Variants in EXPH5 observed in about 807,000 individuals in gnomAD.
EXPH5 encodes exophilin 5.
EXPH5 carries 42 observed loss-of-function variants against 41.1 expected under a neutral mutation model. The ratio of observed to expected loss-of-function variants is 1.02; its 90% CI spans 0.80 to 1.32. The LOEUF (loss-of-function observed/expected upper bound fraction) is 1.32, where lower values mean the gene tolerates loss of function less well. EXPH5 is among the 40% of genes most tolerant of loss of function. The probability of loss-of-function intolerance (pLI) is 0.00; values close to 1 mark genes in which losing one functional copy is unlikely to be tolerated. For missense variants in EXPH5, 2,298 were observed against 2,314.5 expected (o/e 0.99, Z 0.15); for synonymous variants, 798 against 833.5 (o/e 0.96, Z 0.73).
rs575122248 is a variant in EXPH5, at chr11:108,508,293, C to G, written c.*1244G>C. On this transcript the variant is annotated 3_prime_UTR_variant, in exon 6 of 6. Coordinates refer to ENST00000265843, the MANE Select transcript of EXPH5 (RefSeq NM_015065.3). ...GGCGGATTGCCTGAGCTCAGGAGTT[C>G]GAGACCAGCCTGGGCAACACGGTGA... 1 of 152,322 alleles carries G rather than the reference C, an allele frequency of 6.6e-6. No homozygotes were observed. Among genetic ancestry groups the G allele is most frequent in the African/African-American group, 2.4e-5 (1 of 41,350 alleles). The allele number at this position is 152,322 out of a possible 1,614,324, so 9.4% of individuals were successfully genotyped here.
chr11:108,603,404 A>T, the EXPH5 span, among the ~76,000 whole-genome samples: 3 of 152,216 alleles, frequency 2.0e-5, no homozygotes, highest in African/African-American at 7.2e-5. Flanking sequence ...ATCATATTTC[A>T]CACCAGTCAT....
chr11:108,572,189 C>G (rs1416147135), intron 1 of EXPH5, among the ~76,000 whole-genome samples: 1 of 152,206 alleles, frequency 6.6e-6, no homozygotes, highest in Non-Finnish European at 1.5e-5. Flanking sequence ...TATGCATAAC[C>G]TACACCAAGT....
Position 108,513,549 on chromosome 11 carries a change from A to C in EXPH5, c.1958T>G (p.Leu653Trp). The change falls in exon 6 of 6, where the codon TTG (leucine) becomes TGG (tryptophan). Residue 653 changes from leucine to tryptophan, a missense_variant. Coordinates refer to ENST00000265843, the MANE Select transcript of EXPH5 (RefSeq NM_015065.3). ...SPNLQNPTVT[L>W]QKIFPNKPAS... ...AGGCTTATTTGGAAAAATTTTCTGC[A>C]AAGTGACTGTGGGATTCTGCAAGTT... 6.2e-7 allele frequency: 1 copy of C among 1,614,226 alleles called. No individual in the cohort carries two copies. The highest frequency in any genetic ancestry group is 8.5e-7 in the Non-Finnish European group (1 of 1,180,032).
intron 1 of EXPH5, among the ~76,000 whole-genome samples, chr11:108,546,022 G>C (rs2093936726): frequency 6.6e-6 from 1 of 152,064 alleles, no homozygotes; most frequent in Non-Finnish European, 1.5e-5. Flanking sequence ...AAGGATGAAG[G>C]ATGAGGCCAA....
At chr11:108,572,582 G>C (rs1290682237) in intron 1 of EXPH5, among the ~76,000 whole-genome samples, 1 of 152,108 alleles carries the variant, frequency 6.6e-6, no homozygotes, top group African/African-American at 2.4e-5. Flanking sequence ...TTTTGAGACA[G>C]AGTTTTCCTC....
intron 1 of EXPH5, among the ~76,000 whole-genome samples, chr11:108,589,649 A>G (rs1164781520): frequency 6.6e-6 from 1 of 152,190 alleles, no homozygotes; most frequent in Non-Finnish European, 1.5e-5. Flanking sequence ...GACGTTTATG[A>G]GCTGTGTGAC....
At chr11:108,600,139 A>G in the EXPH5 span, among the ~76,000 whole-genome samples, 1 of 152,318 alleles carries the variant, frequency 6.6e-6, no homozygotes, top group South Asian at 2.1e-4. Context: ...AAATTCAAAT[A>G]TGGGAGACTG....
chr11:108,518,514 T>TAATTTCTC (rs1208626668), intron 4 of EXPH5, 141 bp from the exon 5 acceptor site: 1 of 756,314 alleles, frequency 1.3e-6, no homozygotes, highest in African/African-American at 1.8e-5. Flanking sequence ...TATTTCTCAA[T>TAATTTCTC]TTATAATGTG....
At chr11:108,569,528 C>T (rs1195365183) in intron 1 of EXPH5, among the ~76,000 whole-genome samples, 1 of 152,080 alleles carries the variant, frequency 6.6e-6, no homozygotes, top group South Asian at 2.1e-4. Flanking sequence ...TGAGTAGAGA[C>T]AGGGGTTTCA....
In EXPH5 at chr11:108,519,605, G is replaced by A. The variant is rs746794089; in HGVS notation, c.493-1232C>T. On this transcript the variant is annotated intron_variant, in intron 4 of 5. Transcript: ENST00000265843. ...TCTACTAAAAATACAAAAATTAGCT[G>A]GGTGTGGTGGCGAGTGCCTGTAATC... 2.6e-5 allele frequency among the ~76,000 whole-genome samples: 4 copies of A among 151,924 alleles called. No individual in the cohort carries two copies. The South Asian group carries it at 8.3e-4, about 32-fold the overall frequency.
chr11:108,557,700 C>T (rs931636596), intron 1 of EXPH5, among the ~76,000 whole-genome samples: 49 of 152,088 alleles, frequency 3.2e-4, no homozygotes, highest in African/African-American at 1.1e-3. Context: ...ATCCTCTTCA[C>T]TTATTTACTT....
At chr11:108,548,156 T>C (rs2093947437) in intron 1 of EXPH5, among the ~76,000 whole-genome samples, 1 of 151,090 alleles carries the variant, frequency 6.6e-6, no homozygotes, top group Admixed American at 6.6e-5. Flanking sequence ...CAGAGTTCTT[T>C]ACTGGAATAA....
intron 1 of EXPH5, among the ~76,000 whole-genome samples, chr11:108,570,327 T>C (rs1274347066): frequency 2.0e-5 from 3 of 152,208 alleles, no homozygotes; most frequent in Non-Finnish European, 2.9e-5. Flanking sequence ...CAATCTTGGC[T>C]CACTGCAACC....
intron 1 of EXPH5, among the ~76,000 whole-genome samples, chr11:108,578,090 G>A (rs115521460): frequency 8.4e-4 from 128 of 152,194 alleles, no homozygotes; most frequent in African/African-American, 2.8e-3. Flanking sequence ...TCCTTTTGAC[G>A]TCTTACTCAA....
chr11:108,576,579 C>CT (rs2094080381), intron 1 of EXPH5, among the ~76,000 whole-genome samples: 1 of 152,002 alleles, frequency 6.6e-6, no homozygotes, highest in Admixed American at 6.5e-5. Context: ...ATTTTTCATT[C>CT]TTTTTTGAAT....
At position 108,514,301 on chromosome 11, in the gene EXPH5, C is replaced by T. The variant is rs1039186976; in HGVS notation, c.1206G>A (p.Lys402=). The change falls in exon 6 of 6, where the codon AAG becomes AAA. Residue 402 remains lysine, a synonymous_variant. Coordinates refer to ENST00000265843, the MANE Select transcript of EXPH5 (RefSeq NM_015065.3). ...PSPMEIDPAD[K]YVYPRGFQEN... ...CCTGAAAACCCCTGGGATACACATA[C>T]TTGTCAGCGGGATCAATTTCCATTG... is the stretch of plus-strand genomic sequence containing the variant. The T allele has an allele frequency of 1.3e-5, 21 of 1,613,370 alleles. No individual in the cohort carries two copies. Among genetic ancestry groups the T allele is most frequent in the Non-Finnish European group, 1.7e-5 (20 of 1,179,714 alleles).
At chr11:108,604,970 T>C in the EXPH5 span, among the ~76,000 whole-genome samples, 2 of 151,982 alleles carry the variant, frequency 1.3e-5, no homozygotes, top group South Asian at 4.2e-4. Context: ...TGGAGATGAA[T>C]TGGATGGGAC....
chr11:108,596,656 C>T (rs760729671), upstream of EXPH5, among the ~76,000 whole-genome samples: 110 of 152,090 alleles, frequency 7.2e-4, 3 homozygotes, highest in Non-Finnish European at 2.2e-4. Context: ...GTTGCCAAAA[C>T]CCTAAGATAG....
chr11:108,588,518 T>G (rs1010896757), intron 1 of EXPH5, among the ~76,000 whole-genome samples: 4 of 152,190 alleles, frequency 2.6e-5, no homozygotes, highest in African/African-American at 9.7e-5. Context: ...AGCAGTATTA[T>G]CTCAAGCATG....
Sources: gnomAD v4.1 joint callset for allele counts (sites outside exome capture counted in the v4.1 genomes callset) on GRCh38, gnomAD v4.1.1 for gene constraint, MANE v1.5 for transcripts, NCBI Gene and HGNC (gene_info 2026-07-23, HGNC 2026-07-21) for gene names.